The following ELMO1 variants were observed in gnomAD, a reference collection of about 807,000 sequenced individuals.
ELMO1 encodes engulfment and cell motility 1, also known as engulfment and cell motility protein 1.
In ELMO1, 26 loss-of-function variants were observed where a neutral mutation model predicts 98.9. The ratio of observed to expected loss-of-function variants is 0.26; its 90% CI spans 0.19 to 0.36. ELMO1 has a LOEUF of 0.36. ELMO1 is among the 10% of genes least tolerant of loss of function. ELMO1 has a pLI of 1.00. For synonymous variants in ELMO1, 346 were observed against 346.0 expected (o/e 1.00, Z 0.00); for missense variants, 627 against 935.2 (o/e 0.67, Z 4.30).
intron 15 of ELMO1, among the ~76,000 whole-genome samples, chr7:37,038,512 CCTT>C (rs1298495171): frequency 6.6e-6 from 1 of 152,188 alleles, no homozygotes; most frequent in Non-Finnish European, 1.5e-5. Flanking sequence ...TTTTGATCTT[CCTT>C]CTTACCATAA....
At chr7:36,864,951 A>T (rs1424016088) in intron 20 of ELMO1, among the ~76,000 whole-genome samples, 1 of 152,282 alleles carries the variant, frequency 6.6e-6, no homozygotes, top group Non-Finnish European at 1.5e-5. Flanking sequence ...ACATCCTTCC[A>T]TGCCCTGAGG....
At chr7:37,304,909 T>C (rs971391384) in intron 4 of ELMO1, among the ~76,000 whole-genome samples, 2 of 152,208 alleles carry the variant, frequency 1.3e-5, no homozygotes, top group African/African-American at 4.8e-5. Flanking sequence ...TGTTCCTCGG[T>C]TATTGGAAAA....
At chr7:37,124,941 T>C (rs1372135204) in intron 14 of ELMO1, among the ~76,000 whole-genome samples, 6 of 152,132 alleles carry the variant, frequency 3.9e-5, no homozygotes, top group Admixed American at 6.5e-5. Flanking sequence ...AACAGAGATA[T>C]AGATCAATGG....
In ELMO1 at chr7:37,260,999, G is replaced by A. The variant is rs57267228; in HGVS notation, c.244-1649C>T. Among the ~76,000 whole-genome samples the A allele has an allele frequency of 9.5e-3, 1,441 of 152,252 alleles. 31 individuals carry two copies. The highest frequency in any genetic ancestry group is 0.033 in the African/African-American group (1,382 of 41,536). ...AATCATTTCAAATTCCTTGAAAAGT[G>A]TATTTTTTCTCCAAGAAGGATGTTT... On this transcript the variant is annotated intron_variant, in intron 5 of 21. Transcript: ENST00000310758.
chr7:37,360,794 G>T (rs1320235856), intron 1 of ELMO1, among the ~76,000 whole-genome samples: 2 of 152,120 alleles, frequency 1.3e-5, no homozygotes, highest in Non-Finnish European at 2.9e-5. Context: ...ATCTACAAAG[G>T]TGGTGTCTAC....
chr7:37,031,859 TAGTGAC>T (rs1562909910), intron 15 of ELMO1, among the ~76,000 whole-genome samples: 1 of 152,200 alleles, frequency 6.6e-6, no homozygotes, highest in East Asian at 1.9e-4. Flanking sequence ...ATATTCTTGA[TAGTGAC>T]AGTTAATCAT....
At chr7:37,321,819 T>G (rs892884906) in intron 2 of ELMO1, among the ~76,000 whole-genome samples, 12 of 147,488 alleles carry the variant, frequency 8.1e-5, no homozygotes, top group African/African-American at 3.0e-4. Context: ...CTTCTCCCTA[T>G]AACTCCATAA....
intron 8 of ELMO1, among the ~76,000 whole-genome samples, chr7:37,229,173 G>C (rs1301096309): frequency 6.6e-6 from 1 of 152,160 alleles, no homozygotes; most frequent in Non-Finnish European, 1.5e-5. Flanking sequence ...GGGTAAGCCA[G>C]GTTCTCCTGC....
chr7:37,145,610 A>G (rs1178495091), intron 13 of ELMO1, among the ~76,000 whole-genome samples: 1 of 152,240 alleles, frequency 6.6e-6, no homozygotes, highest in Non-Finnish European at 1.5e-5. Context: ...TGATTTTTAA[A>G]TGATACGTGT....
At chr7:37,392,166 T>C (rs1456980245) in intron 1 of ELMO1, among the ~76,000 whole-genome samples, 1 of 152,134 alleles carries the variant, frequency 6.6e-6, no homozygotes, top group Non-Finnish European at 1.5e-5. Context: ...AGTCTTTCCT[T>C]CCTCTGATGT....
chr7:36,998,633 C>T (rs1792400551), intron 16 of ELMO1, among the ~76,000 whole-genome samples: 1 of 151,992 alleles, frequency 6.6e-6, no homozygotes, highest in African/African-American at 2.4e-5. Context: ...GAGAGTGGTT[C>T]ACAGGGTCAA....
At chr7:37,297,585 A>G (rs1325881791) in intron 4 of ELMO1, among the ~76,000 whole-genome samples, 1 of 152,126 alleles carries the variant, frequency 6.6e-6, no homozygotes. Context: ...CTTACTTTGA[A>G]GAATGGCCCC....
chr7:37,272,680 GAAAA>G, intron 4 of ELMO1, among the ~76,000 whole-genome samples: 1 of 112,698 alleles, frequency 8.9e-6, no homozygotes, highest in East Asian at 2.5e-4. Context: ...CGTCTTAAAG[GAAAA>G]AAAAAAAAAA....
chr7:37,002,855 A>C (rs997025975), intron 16 of ELMO1, among the ~76,000 whole-genome samples: 1 of 152,284 alleles, frequency 6.6e-6, no homozygotes, highest in Admixed American at 6.5e-5. Context: ...TGCTCTTAGG[A>C]AGCCAGATAG....
chr7:37,170,096 G>T (rs977603710), intron 13 of ELMO1, among the ~76,000 whole-genome samples: 2 of 152,074 alleles, frequency 1.3e-5, no homozygotes, highest in African/African-American at 4.8e-5. Flanking sequence ...GTAAAGACAG[G>T]GTTTCACCAT....
intron 13 of ELMO1, among the ~76,000 whole-genome samples, chr7:37,170,680 GCTCA>G (rs1790091898): frequency 6.8e-6 from 1 of 148,094 alleles, no homozygotes; most frequent in African/African-American, 2.5e-5. Context: ...CGCTGTCTCA[GCTCA>G]CTGTCTCTGC....
At chr7:37,032,240 T>C (rs1794924050) in intron 15 of ELMO1, among the ~76,000 whole-genome samples, 1 of 152,172 alleles carries the variant, frequency 6.6e-6, no homozygotes, top group African/African-American at 2.4e-5. Context: ...GCAGGCTTTA[T>C]TGGCACCTTT....
At chr7:37,373,633 A>G (rs1802209239) in intron 1 of ELMO1, among the ~76,000 whole-genome samples, 1 of 152,012 alleles carries the variant, frequency 6.6e-6, no homozygotes, top group South Asian at 2.1e-4. Flanking sequence ...TCCAAGCCTT[A>G]TTTGTTTATG....
chr7:37,221,613 G>A (rs534508395), intron 10 of ELMO1, among the ~76,000 whole-genome samples: 11 of 152,212 alleles, frequency 7.2e-5, no homozygotes, highest in South Asian at 6.2e-4. Flanking sequence ...CCTTTCCTTC[G>A]TGAAGAAAGA....
Sources: allele counts gnomAD v4.1 joint callset (sites outside exome capture counted in the v4.1 genomes callset), GRCh38; gene constraint gnomAD v4.1.1; transcripts MANE v1.5; gene names NCBI Gene and HGNC (gene_info 2026-07-23, HGNC 2026-07-21).